RSF1: variants seen among roughly 807,000 people sequenced by gnomAD.
The protein encoded by RSF1 is remodeling and spacing factor 1, also known as HBV pX-associated protein 8.
RSF1 carries 13 observed loss-of-function variants against 145.2 expected under a neutral mutation model. The ratio of observed to expected loss-of-function variants is 0.09; its 90% confidence interval spans 0.06 to 0.14. The LOEUF (loss-of-function observed/expected upper bound fraction) is 0.14, where lower values mean the gene tolerates loss of function less well. Ranked by LOEUF, RSF1 falls within the 10% of genes least tolerant of loss-of-function variation. The probability of loss-of-function intolerance (pLI) is 1.00; values close to 1 mark genes in which losing one functional copy is unlikely to be tolerated. For missense variants in RSF1, 1,517 were observed against 1,718.2 expected, an observed-to-expected ratio of 0.88 and a Z score of 2.07; for synonymous variants, 577 against 592.6, an observed-to-expected ratio of 0.97 and a Z score of 0.38.
chr11:77,717,878 A>C (rs938470758), intron 5 of RSF1: 38 of 152,270 alleles, frequency 2.5e-4, no homozygotes, highest in African/African-American at 9.2e-4. Flanking sequence ...AAATATAAAA[A>C]ATAATTTAAC....
chr11:77,678,898 G>C (rs1374252771), intron 11 of RSF1, among the ~76,000 whole-genome samples: 1 of 152,158 alleles, frequency 6.6e-6, no homozygotes. Context: ...GGACCTCCTA[G>C]TTTCTAGAAC....
intron 1 of RSF1, among the ~76,000 whole-genome samples, chr11:77,810,072 C>T (rs1237492238): frequency 1.3e-5 from 2 of 152,200 alleles, no homozygotes; most frequent in Non-Finnish European, 2.9e-5. Context: ...TACTAGTAAG[C>T]TATTATCTAG....
At chr11:77,737,785 T>C (rs908165014) in intron 4 of RSF1, among the ~76,000 whole-genome samples, 1 of 152,160 alleles carries the variant, frequency 6.6e-6, no homozygotes, top group Non-Finnish European at 1.5e-5. Flanking sequence ...TAAATATTTC[T>C]TTAGTGAATA....
chr11:77,818,795 TA>T (rs1468671892), intron 1 of RSF1, among the ~76,000 whole-genome samples: 1 of 151,962 alleles, frequency 6.6e-6, no homozygotes, highest in Non-Finnish European at 1.5e-5. Flanking sequence ...CAAATAAAAA[TA>T]AAAAATATAA....
At chr11:77,728,669 CACAG>C (rs1237810515) in intron 4 of RSF1, among the ~76,000 whole-genome samples, 1 of 151,734 alleles carries the variant, frequency 6.6e-6, no homozygotes, top group East Asian at 1.9e-4. Context: ...AGAGGCCACA[CACAG>C]AAAGTCACTT....
rs1373991609 is a variant in RSF1, at chr11:77,746,936, A to G, written c.372+100T>C. ...TAGACTCCATTGTCCTCTTCTGCTA[A>G]TAATAAAAATGTCTACTTTTTGTTT... On this transcript the variant is annotated intron_variant, in intron 3 of 15. Coordinates refer to ENST00000308488, the MANE Select transcript of RSF1 (RefSeq NM_016578.4). The G allele has an allele frequency of 1.8e-5, 12 of 684,056 alleles. No homozygotes were observed. The Admixed American group carries it at 2.3e-4, about 13-fold the overall frequency. The allele number at this position is 684,056 out of a possible 1,614,324, so 42.4% of individuals were successfully genotyped here.
chr11:77,779,681 C>A (rs941777941), intron 1 of RSF1, among the ~76,000 whole-genome samples: 4 of 152,152 alleles, frequency 2.6e-5, no homozygotes, highest in African/African-American at 9.7e-5. Context: ...TCTTAAAATT[C>A]TTTCTAGACA....
chr11:77,823,039 C>G (rs894529171), upstream of RSF1, among the ~76,000 whole-genome samples: 5 of 151,780 alleles, frequency 3.3e-5, no homozygotes, highest in African/African-American at 1.2e-4. Flanking sequence ...CGCGGTGAAA[C>G]CCGTCTCTAC....
chr11:77,762,850 C>T (rs372164743), intron 2 of RSF1: 3 of 151,976 alleles, frequency 2.0e-5, no homozygotes, highest in Non-Finnish European at 4.4e-5. Context: ...TACATATGTA[C>T]AATGATGCCA....
intron 2 of RSF1, 153 bp downstream of exon 2, chr11:77,764,445 G>C: frequency 1.7e-6 from 1 of 573,730 alleles, no homozygotes. Flanking sequence ...AGCAAAAGAA[G>C]AGAATCACAT....
At chr11:77,867,761 C>T in the RSF1 span, among the ~76,000 whole-genome samples, 2 of 152,180 alleles carry the variant, frequency 1.3e-5, no homozygotes, top group African/African-American at 4.8e-5. Flanking sequence ...AGCTACCATC[C>T]TTTAATGCTC....
At chr11:77,745,918 C>T (rs1451659699) in intron 3 of RSF1, among the ~76,000 whole-genome samples, 1 of 151,774 alleles carries the variant, frequency 6.6e-6, no homozygotes, top group Non-Finnish European at 1.5e-5. Context: ...TTGTAACACA[C>T]CCTGAAAAGT....
At chr11:77,842,766 T>C in the RSF1 span, 1 of 1,205,784 alleles carries the variant, frequency 8.3e-7, no homozygotes, top group Non-Finnish European at 1.2e-6. Context: ...AAATTCACCC[T>C]TTTAAAGTAT....
chr11:77,785,262 T>C (rs1317174925), intron 1 of RSF1, among the ~76,000 whole-genome samples: 1 of 152,212 alleles, frequency 6.6e-6, no homozygotes, highest in African/African-American at 2.4e-5. Flanking sequence ...AGCCCCTTAT[T>C]ACTCCATCAT....
intron 1 of RSF1, among the ~76,000 whole-genome samples, chr11:77,781,616 A>G (rs544044291): frequency 6.6e-6 from 1 of 152,352 alleles, no homozygotes; most frequent in South Asian, 2.1e-4. Flanking sequence ...CACATCCTCA[A>G]AAACACTTGA....
chr11:77,701,503 C>T lies in RSF1; in HGVS notation c.1726G>A (p.Asp576Asn), dbSNP rs184193895. 6.2e-7 allele frequency: 1 copy of T among 1,613,978 alleles called. No homozygotes were observed. Among genetic ancestry groups the T allele is most frequent in the East Asian group, 2.2e-5 (1 of 44,878 alleles). The change falls in exon 6 of 16, where the codon GAT becomes AAT. Residue 576 changes from aspartate to asparagine, a missense_variant. Transcript: ENST00000308488. ...CATTCTAGGATTGGTGGGCGCTTAT[C>T]CTTCTTAGTTTTGGGAGACTTCTCT... ...GEEKSPKTKKDKRPPILECLE... is the reference protein window; with the variant it reads ...GEEKSPKTKKNKRPPILECLE...
intron 7 of RSF1, among the ~76,000 whole-genome samples, chr11:77,696,964 A>C (rs1266432020): frequency 6.6e-6 from 1 of 152,230 alleles, no homozygotes. Flanking sequence ...GAAAGAAAAG[A>C]GTAAGTAAAC....
At chr11:77,774,690 G>A (rs1948323513) in intron 1 of RSF1, among the ~76,000 whole-genome samples, 1 of 151,470 alleles carries the variant, frequency 6.6e-6, no homozygotes, top group African/African-American at 2.4e-5. Flanking sequence ...ACTTTGGAAG[G>A]CAGAGGCAGG....
chr11:77,689,923 G>T (rs1326438818), intron 9 of RSF1, among the ~76,000 whole-genome samples: 1 of 152,136 alleles, frequency 6.6e-6, no homozygotes, highest in Non-Finnish European at 1.5e-5. Flanking sequence ...CAGCTCTTTG[G>T]AAGGCCGAGG....
Sources: gnomAD v4.1 joint callset for allele counts (sites outside exome capture counted in the v4.1 genomes callset) on GRCh38, gnomAD v4.1.1 for gene constraint, MANE v1.5 for transcripts, NCBI Gene and HGNC (gene_info 2026-07-23, HGNC 2026-07-21) for gene names.